The following ZNF493 variants were observed in gnomAD, a reference collection of about 807,000 sequenced individuals.
ZNF493 encodes zinc finger protein 493.
Under a neutral mutation model 12.2 loss-of-function variants are expected in ZNF493, and 11 were observed. That is an observed-to-expected ratio of 0.90 (90% CI 0.57 to 1.50). The LOEUF is 1.50. ZNF493 is among the 40% of genes most tolerant of loss of function. The pLI, the probability that ZNF493 is intolerant of heterozygous loss-of-function variation, is 0.00. For missense variants in ZNF493, 950 were observed against 906.6 expected (o/e 1.05, Z -0.61); for synonymous variants, 286 against 302.6 (o/e 0.95, Z 0.57).
At chr19:21,410,060 G>GTATATA (rs60038018) in intron 3 of ZNF493, among the ~76,000 whole-genome samples, 526 of 43,874 alleles carry the variant, frequency 0.012, no homozygotes, top group African/African-American at 0.029. Flanking sequence ...TTCATTGTGT[G>GTATATA]TATATATATA....
chr19:21,416,873 A>G (rs1038765992), intron 3 of ZNF493, among the ~76,000 whole-genome samples: 2 of 152,212 alleles, frequency 1.3e-5, no homozygotes, highest in African/African-American at 4.8e-5. Context: ...AGAACTTCCT[A>G]GAGCTAACTC....
rs957467473 is a variant in ZNF493, at chr19:21,425,708, CAA to C, written c.*726_*727del. 4 of 723,832 alleles carry C rather than the reference CAA, an allele frequency of 5.5e-6. No individual in the cohort carries two copies. The highest frequency in any genetic ancestry group is 4.7e-6 in the Non-Finnish European group (2 of 424,746). The allele number at this position is 723,832 out of a possible 1,614,324, so 44.8% of individuals were successfully genotyped here. ...AACCCTACAAATGTGAAAAATGTGG[CAA>C]AGCTTTTAACCAATTTTCAAACCTT... On this transcript the variant is annotated 3_prime_UTR_variant, in exon 4 of 4. Coordinates refer to ENST00000392288, the MANE Select transcript of ZNF493 (RefSeq NM_001076678.3).
chr19:21,424,495 A>G lies in ZNF493; in HGVS notation c.1836A>G (p.Arg612=), dbSNP rs1451372579. ...AAGAATGTGGCAAAGCTTTTAACCG[A>G]TCTTCAATCCTTAGTATACATAAGA... ...KCEECGKAFN[R]SSILSIHKKI... is the part of the protein sequence containing the mutation. The change falls in exon 4 of 4, where the codon CGA becomes CGG. Residue 612 remains arginine (R), a synonymous_variant. Transcript: ENST00000392288. The G allele has an allele frequency of 1.9e-6, 3 of 1,612,082 alleles. No individual in the cohort carries two copies. In the South Asian group the frequency reaches 3.3e-5, roughly 18 times the overall value.
chr19:21,406,083 G>A (rs2030116593), intron 3 of ZNF493, among the ~76,000 whole-genome samples: 1 of 151,938 alleles, frequency 6.6e-6, no homozygotes, highest in Non-Finnish European at 1.5e-5. Flanking sequence ...TTAGCCAGGC[G>A]TGGTGGCAGT....
At chr19:21,403,603 C>G (rs2030018867) in intron 1 of ZNF493, among the ~76,000 whole-genome samples, 1 of 151,788 alleles carries the variant, frequency 6.6e-6, no homozygotes, top group African/African-American at 2.4e-5. Flanking sequence ...TGTAACTTCT[C>G]CAGAGAATGT....
At position 21,408,612 on chromosome 19, in the gene ZNF493, A is replaced by G. The variant is rs75842617; in HGVS notation, c.253+2756A>G. 7.9e-3 allele frequency: 7,805 copies of G among 985,138 alleles called. 61 individuals carry two copies. Among genetic ancestry groups the G allele is most frequent in the South Asian group, 0.026 (545 of 21,278 alleles). The allele number at this position is 985,138 out of a possible 1,614,324, so 61.0% of individuals were successfully genotyped here. A position where few individuals can be genotyped will look rare whatever the true frequency, so the allele number is the denominator to read the frequency against. ...TAATGGTATATTAATGTTGCATACC[A>G]AATTGTATGAGTTAAACGTCTCTTC... On this transcript the variant is annotated intron_variant, in intron 3 of 3. Coordinates refer to ENST00000392288, the MANE Select transcript of ZNF493 (RefSeq NM_001076678.3).
At chr19:21,408,375 C>T (rs988497343) in intron 3 of ZNF493, 1 of 931,378 alleles carries the variant, frequency 1.1e-6, no homozygotes. Flanking sequence ...GGTGATCCAC[C>T]CGCCTTGGCC....
At chr19:21,405,637 T>C in intron 2 of ZNF493, 124 bp from the exon 3 acceptor site, 3 of 1,086,698 alleles carry the variant, frequency 2.8e-6, no homozygotes, top group Non-Finnish European at 3.7e-6. Context: ...CTTTCTGTCA[T>C]TAAATAGTAT....
At chr19:21,417,481 T>C (rs1259003492) in intron 3 of ZNF493, among the ~76,000 whole-genome samples, 1 of 152,122 alleles carries the variant, frequency 6.6e-6, no homozygotes, top group Non-Finnish European at 1.5e-5. Flanking sequence ...CAACACTATA[T>C]CCTGAGCAGC....
intron 1 of ZNF493, among the ~76,000 whole-genome samples, chr19:21,400,478 T>C (rs2029902180): frequency 6.6e-6 from 1 of 152,230 alleles, no homozygotes; most frequent in African/African-American, 2.4e-5. Flanking sequence ...GTAATTTTGC[T>C]GAATTTTTTA....
chr19:21,408,472 A>G (rs1321524254), intron 3 of ZNF493: 19 of 984,612 alleles, frequency 1.9e-5, no homozygotes, highest in Non-Finnish European at 2.0e-5. Flanking sequence ...TCATCAGAAT[A>G]TTTTATTTAT....
At chr19:21,412,810 G>A (rs983854627) in intron 3 of ZNF493, 6 of 303,788 alleles carry the variant, frequency 2.0e-5, no homozygotes, top group South Asian at 5.4e-5. Flanking sequence ...AAACAACTTT[G>A]TAGAGTGTCT....
intron 3 of ZNF493, among the ~76,000 whole-genome samples, chr19:21,409,636 T>G (rs572582107): frequency 6.6e-6 from 1 of 152,210 alleles, no homozygotes; most frequent in Non-Finnish European, 1.5e-5. Flanking sequence ...TTCCAGCTAC[T>G]TGGGAGATTG....
intron 2 of ZNF493, chr19:21,405,530 G>A: frequency 7.6e-7 from 1 of 1,321,554 alleles, no homozygotes; most frequent in Non-Finnish European, 9.7e-7. Context: ...TTGTCCATAT[G>A]TTAAAATCTA....
intron 1 of ZNF493, among the ~76,000 whole-genome samples, chr19:21,400,036 G>A (rs1251234988): frequency 2.0e-5 from 3 of 152,126 alleles, no homozygotes; most frequent in African/African-American, 4.8e-5. Context: ...TTAACTGCAT[G>A]ATTTTTAGTG....
chr19:21,417,527 A>G (rs577871382), intron 3 of ZNF493, among the ~76,000 whole-genome samples: 1 of 152,274 alleles, frequency 6.6e-6, no homozygotes, highest in East Asian at 1.9e-4. Flanking sequence ...GACTCCTGTA[A>G]CCAAGCTGTA....
At chr19:21,414,893 T>C (rs1468596724) in intron 3 of ZNF493, among the ~76,000 whole-genome samples, 1 of 152,186 alleles carries the variant, frequency 6.6e-6, no homozygotes, top group Non-Finnish European at 1.5e-5. Context: ...TGAAACAGTT[T>C]TGTTTTAGGA....
At position 21,405,261 on chromosome 19, in the gene ZNF493, A is replaced by G. The variant is rs1238139617; in HGVS notation, c.157+6A>G. ...CAGAAACCTGGTCTTCTTGGGTGAG[A>G]ATAACTTTAATACAAAATCCCTTAT... On this transcript the variant is annotated splice_donor_region_variant and intron_variant, in intron 2 of 3. Transcript: ENST00000392288. 4 of 1,610,300 alleles carry G rather than the reference A, an allele frequency of 2.5e-6. No homozygotes were observed. Among genetic ancestry groups the G allele is most frequent in the Non-Finnish European group, 3.4e-6 (4 of 1,179,118 alleles).
intron 1 of ZNF493, among the ~76,000 whole-genome samples, chr19:21,403,070 G>A (rs188437715): frequency 7.2e-4 from 109 of 152,338 alleles, no homozygotes; most frequent in Non-Finnish European, 1.0e-4. Context: ...AATCACCTAG[G>A]TGTCTTTAAG....
Sources: allele counts gnomAD v4.1 joint callset (sites outside exome capture counted in the v4.1 genomes callset), GRCh38; gene constraint gnomAD v4.1.1; transcripts MANE v1.5; gene names NCBI Gene and HGNC (gene_info 2026-07-23, HGNC 2026-07-21).